Variants in CNKSR2 observed in about 807,000 individuals in gnomAD.
CNKSR2 encodes the protein connector enhancer of kinase suppressor of Ras 2, also known as CNK homolog protein 2.
CNKSR2 carries 14 observed loss-of-function variants against 84.4 expected under a neutral mutation model. The ratio of observed to expected loss-of-function variants is 0.17; its 90% CI spans 0.11 to 0.26. The LOEUF (loss-of-function observed/expected upper bound fraction) is 0.26. Among genes scored for constraint, CNKSR2 ranks in the 10% least tolerant of loss-of-function variants. The pLI is 1.00. For missense variants in CNKSR2, 485 were observed against 771.2 expected, an observed-to-expected ratio of 0.63 and a Z score of 4.40; for synonymous variants, 275 against 277.9, an observed-to-expected ratio of 0.99 and a Z score of 0.10.
intron 10 of CNKSR2, among the ~76,000 whole-genome samples, chrX:21,531,241 A>G (rs1245994710): frequency 9.0e-6 from 1 of 110,855 alleles, no homozygotes; most frequent in African/African-American, 3.3e-5. Context: ...TAGTTCTTAA[A>G]TATATTTCTA....
At chrX:21,550,211 TAAAC>T (rs776439469) in intron 11 of CNKSR2, among the ~76,000 whole-genome samples, 18 of 111,301 alleles carry the variant, frequency 1.6e-4, no homozygotes, top group Non-Finnish European at 2.8e-4. Context: ...GAAACTTAAT[TAAAC>T]AAATGTACAA....
In CNKSR2 at chrX:21,609,287, C is replaced by T; in HGVS notation, c.2362C>T (p.Pro788Ser). 1 of 1,211,550 alleles carries T rather than the reference C, an allele frequency of 8.3e-7. No homozygotes were observed. The highest frequency in any genetic ancestry group is 1.1e-6 in the Non-Finnish European group (1 of 895,434). Residue 788 changes from proline to serine, a missense_variant, in exon 20 of 22, where the codon CCC becomes TCC. Pro to Ser is a moderately conservative substitution (Grantham distance 74). Around this residue, in one of 5 missense-constraint regions of CNKSR2, gnomAD observed 210 missense variants for 291.5 expected, o/e 0.72. Coordinates refer to ENST00000379510, the MANE Select transcript of CNKSR2 (RefSeq NM_014927.5). ...SSGLHYLQTL[P>S]LEDSVFSDSA... ...AGGCTTACACTATCTTCAGACTCTG[C>T]CCCTGGAGGATTCTGTCTTCTCTGA...
intron 4 of CNKSR2, among the ~76,000 whole-genome samples, chrX:21,462,799 T>C (rs2091078090): frequency 9.3e-6 from 1 of 106,982 alleles, no homozygotes; most frequent in South Asian, 4.4e-4. Flanking sequence ...CTGCAACCTC[T>C]GCCTCCTGGG....
At position 21,653,740 on chromosome X, in the gene CNKSR2, G is replaced by T. The variant is rs765857464; in HGVS notation, c.*1219G>T. 1 of 110,811 alleles carries T rather than the reference G, an allele frequency of 9.0e-6. No individual in the cohort carries two copies. The highest frequency in any genetic ancestry group is 3.8e-4 in the South Asian group (1 of 2,615). The allele number at this position is 110,811 out of a possible 1,213,427, so 9.1% of individuals were successfully genotyped here. ...TCTTCATATATTTCCATTTATAAGC[G>T]TCTTGTTTTTGAAAGTGATCACAGC... is the stretch of plus-strand genomic sequence containing the variant. On this transcript the variant is annotated 3_prime_UTR_variant, in exon 22 of 22. Coordinates refer to ENST00000379510, the MANE Select transcript of CNKSR2 (RefSeq NM_014927.5).
At chrX:21,381,160 C>A (rs2089893780) in intron 1 of CNKSR2, among the ~76,000 whole-genome samples, 1 of 111,451 alleles carries the variant, frequency 9.0e-6, no homozygotes, top group African/African-American at 3.3e-5. Context: ...TTTTGCTAAG[C>A]TTTTTAAAAC....
chrX:21,386,755 G>T (rs2089975629), intron 1 of CNKSR2, among the ~76,000 whole-genome samples: 1 of 111,315 alleles, frequency 9.0e-6, no homozygotes, highest in Middle Eastern at 4.2e-3. Context: ...TGGAGAGAAT[G>T]GTTTGAAGTT....
chrX:21,391,245 G>A (rs909306081), intron 1 of CNKSR2, among the ~76,000 whole-genome samples: 3 of 112,714 alleles, frequency 2.7e-5, no homozygotes, highest in African/African-American at 9.7e-5. Flanking sequence ...ACTAGGCAGT[G>A]CCCCAGTGGG....
chrX:21,378,738 T>C (rs752444207), intron 1 of CNKSR2, among the ~76,000 whole-genome samples: 2 of 111,520 alleles, frequency 1.8e-5, no homozygotes, highest in Admixed American at 1.9e-4. Context: ...GCTCCCTACA[T>C]TACATTCTTC....
chrX:21,389,856 A>G (rs924329715), intron 1 of CNKSR2, among the ~76,000 whole-genome samples: 1 of 112,672 alleles, frequency 8.9e-6, no homozygotes, highest in African/African-American at 3.2e-5. Flanking sequence ...TTGAAAAATA[A>G]TTTTATTGAA....
chrX:21,502,993 T>C (rs1034034732), intron 8 of CNKSR2, among the ~76,000 whole-genome samples: 2 of 111,411 alleles, frequency 1.8e-5, no homozygotes, highest in African/African-American at 6.5e-5. Context: ...ATTTCTGCAA[T>C]GTGACCTTAA....
intron 11 of CNKSR2, among the ~76,000 whole-genome samples, chrX:21,543,080 T>C (rs1161054350): frequency 8.9e-6 from 1 of 112,665 alleles, no homozygotes; most frequent in Non-Finnish European, 1.9e-5. Flanking sequence ...ATGAAGGGCC[T>C]ATGGGCAATG....
intron 5 of CNKSR2, 37 bp downstream of exon 5, chrX:21,470,844 G>A: frequency 1.2e-6 from 1 of 801,318 alleles, no homozygotes; most frequent in Non-Finnish European, 1.8e-6. Context: ...CTTTATTAGA[G>A]GATATTTCCT....
chrX:21,440,923 T>A, intron 4 of CNKSR2, 142 bp downstream of exon 4: 2 of 364,968 alleles, frequency 5.5e-6, no homozygotes, highest in Middle Eastern at 5.9e-4. Context: ...AAATGAAATG[T>A]GTAGTTATTT....
At chrX:21,482,147 A>G (rs2091327200) in intron 5 of CNKSR2, among the ~76,000 whole-genome samples, 1 of 112,357 alleles carries the variant, frequency 8.9e-6, no homozygotes, top group Non-Finnish European at 1.9e-5. Context: ...CAAAAAATGT[A>G]TTTTTTAAAG....
chrX:21,405,330 C>T (rs1049980741), intron 1 of CNKSR2, among the ~76,000 whole-genome samples: 5 of 111,878 alleles, frequency 4.5e-5, no homozygotes, highest in African/African-American at 1.6e-4. Context: ...TTATATCCTT[C>T]AGTGGAATTT....
intron 1 of CNKSR2, among the ~76,000 whole-genome samples, chrX:21,403,113 G>T (rs1050376864): frequency 9.0e-6 from 1 of 110,773 alleles, no homozygotes; most frequent in African/African-American, 3.3e-5. Context: ...AAAAACCCAA[G>T]ATTTTTACAT....
At chrX:21,650,193 A>G (rs2092717401) in intron 21 of CNKSR2, among the ~76,000 whole-genome samples, 1 of 111,463 alleles carries the variant, frequency 9.0e-6, no homozygotes, top group Non-Finnish European at 1.9e-5. Context: ...CATCAATGAT[A>G]GACTGGATAA....
chrX:21,628,931 T>C (rs1373974266), intron 20 of CNKSR2, among the ~76,000 whole-genome samples: 1 of 112,566 alleles, frequency 8.9e-6, no homozygotes, highest in Non-Finnish European at 1.9e-5. Flanking sequence ...CTATCACTTA[T>C]CAGGCTGCAA....
intron 8 of CNKSR2, among the ~76,000 whole-genome samples, chrX:21,511,428 C>A (rs1466909907): frequency 1.8e-5 from 2 of 110,604 alleles, no homozygotes; most frequent in Non-Finnish European, 3.8e-5. Context: ...AGTTTCAAGG[C>A]CCTTTATTGT....
Sources: allele counts gnomAD v4.1 joint callset (sites outside exome capture counted in the v4.1 genomes callset), GRCh38; gene constraint gnomAD v4.1.1; regional missense constraint gnomAD v4.1.1; transcripts MANE v1.5; gene names NCBI Gene and HGNC (gene_info 2026-07-23, HGNC 2026-07-21).